Variants in EYS observed in about 807,000 individuals in gnomAD.
The protein encoded by EYS is EGF-like photoreceptor maintenance factor.
EYS carries 250 observed loss-of-function variants against 282.1 expected under a neutral mutation model. That is an observed-to-expected ratio of 0.89 (90% CI 0.80 to 0.98). EYS has a LOEUF of 0.98. Among genes scored for constraint, EYS ranks in the 50% least tolerant of loss-of-function variants. The pLI, the probability that EYS is intolerant of heterozygous loss-of-function variation, is 0.00. For missense variants in EYS, 4,016 were observed against 3,709.0 expected (o/e 1.08, Z -2.15); for synonymous variants, 1,355 against 1,282.9 (o/e 1.06, Z -1.20).
intron 13 of EYS, among the ~76,000 whole-genome samples, chr6:65,055,540 T>G (rs907659684): frequency 6.6e-6 from 1 of 152,070 alleles, no homozygotes; most frequent in South Asian, 2.1e-4. Flanking sequence ...GCTGATGTCT[T>G]TTTTTCTGTT....
chr6:63,873,832 G>T (rs529322943), intron 35 of EYS, among the ~76,000 whole-genome samples: 1 of 152,126 alleles, frequency 6.6e-6, no homozygotes, highest in South Asian at 2.1e-4. Context: ...CTCACTTTTT[G>T]ATGGGTTTTT....
chr6:65,174,886 A>T (rs1765190122), intron 12 of EYS, among the ~76,000 whole-genome samples: 1 of 151,322 alleles, frequency 6.6e-6, no homozygotes, highest in African/African-American at 2.4e-5. Context: ...GCAGCTGTTA[A>T]AAAGTTCAAA....
At chr6:65,177,030 C>A (rs888124555) in intron 12 of EYS, among the ~76,000 whole-genome samples, 2 of 151,580 alleles carry the variant, frequency 1.3e-5, no homozygotes, top group Non-Finnish European at 3.0e-5. Flanking sequence ...CAAATCATTA[C>A]TTATTTTAAA....
chr6:63,869,897 G>A (rs1772759324), intron 35 of EYS, among the ~76,000 whole-genome samples: 1 of 152,022 alleles, frequency 6.6e-6, no homozygotes, highest in South Asian at 2.1e-4. Flanking sequence ...TCATTTCAGT[G>A]TCTAGAATTA....
intron 26 of EYS, among the ~76,000 whole-genome samples, chr6:64,505,957 T>C (rs922270815): frequency 1.3e-5 from 2 of 152,140 alleles, no homozygotes; most frequent in African/African-American, 4.8e-5. Flanking sequence ...CTACGGCAGG[T>C]TGAAATAAGT....
intron 22 of EYS, among the ~76,000 whole-genome samples, chr6:64,802,345 T>G (rs1410800050): frequency 6.6e-6 from 1 of 152,002 alleles, no homozygotes; most frequent in Non-Finnish European, 1.5e-5. Flanking sequence ...AGCCACCACG[T>G]CCGGCCGAGT....
chr6:64,840,302 G>C (rs562904288), intron 19 of EYS, among the ~76,000 whole-genome samples: 2 of 152,110 alleles, frequency 1.3e-5, no homozygotes, highest in South Asian at 2.1e-4. Flanking sequence ...TTTGTAACAT[G>C]TGCAATAAAA....
intron 35 of EYS, among the ~76,000 whole-genome samples, chr6:63,979,850 A>C (rs1767007395): frequency 6.6e-6 from 1 of 151,912 alleles, no homozygotes; most frequent in Non-Finnish European, 1.5e-5. Context: ...CAAAATGAAA[A>C]AAGATTGGAC....
intron 35 of EYS, among the ~76,000 whole-genome samples, chr6:63,879,475 T>C (rs1350232774): frequency 6.6e-6 from 1 of 152,146 alleles, no homozygotes; most frequent in Non-Finnish European, 1.5e-5. Context: ...TACTTACATA[T>C]CAACAAAACA....
intron 12 of EYS, among the ~76,000 whole-genome samples, chr6:65,115,604 CT>C (rs763043628): frequency 2.6e-5 from 4 of 151,962 alleles, no homozygotes; most frequent in African/African-American, 4.8e-5. Flanking sequence ...TAAGCCATGC[CT>C]TAAGATAATA....
chr6:64,893,408 C>T (rs1222503655), intron 18 of EYS, among the ~76,000 whole-genome samples: 2 of 151,836 alleles, frequency 1.3e-5, no homozygotes, highest in African/African-American at 2.4e-5. Flanking sequence ...GTTTTTAATA[C>T]GTTTTTTGTT....
intron 22 of EYS, among the ~76,000 whole-genome samples, chr6:64,783,431 T>G (rs62415502): frequency 3.3e-5 from 5 of 151,860 alleles, no homozygotes; most frequent in Non-Finnish European, 7.4e-5. Flanking sequence ...GAGGTCTTAC[T>G]GCCATGGGGA....
rs1399597240 is a variant in EYS at position 64,590,622 on chromosome 6, T to G, written c.5245A>C (p.Asn1749His). 12 of 1,551,190 alleles carry G rather than the reference T, an allele frequency of 7.7e-6. No homozygotes were observed. Among genetic ancestry groups the G allele is most frequent in the Non-Finnish European group, 1.0e-5 (12 of 1,146,750 alleles). ...PSDSSLDFEL[N>H]LQIYPDVTLK... ...GTAACATCCGGATAAATTTGTAAGT[T>G]TAACTCAAAATCCAGAGAACTATCA... Residue 1749 changes from asparagine to histidine, a missense_variant, in exon 26 of 43, where the codon AAC becomes CAC. Coordinates refer to ENST00000503581, the MANE Select transcript of EYS (RefSeq NM_001142800.2).
At chr6:64,335,034 A>G (rs1056785864) in intron 29 of EYS, among the ~76,000 whole-genome samples, 1 of 152,082 alleles carries the variant, frequency 6.6e-6, no homozygotes, top group African/African-American at 2.4e-5. Context: ...CCACCCGAAT[A>G]ATGGTTCTGC....
chr6:64,837,774 A>C (rs1208748626), intron 19 of EYS, among the ~76,000 whole-genome samples: 2 of 150,640 alleles, frequency 1.3e-5, no homozygotes, highest in Admixed American at 1.3e-4. Flanking sequence ...TACAAAATCA[A>C]CTTACCAAAA....
intron 5 of EYS, among the ~76,000 whole-genome samples, chr6:65,456,980 G>C (rs879492135): frequency 4.0e-5 from 6 of 150,894 alleles, no homozygotes; most frequent in Non-Finnish European, 7.4e-5. Flanking sequence ...AGCACATGAG[G>C]GTCAGTATAG....
At chr6:65,505,820 A>T (rs1766633158) in intron 2 of EYS, among the ~76,000 whole-genome samples, 1 of 152,070 alleles carries the variant, frequency 6.6e-6, no homozygotes, top group African/African-American at 2.4e-5. Context: ...AATGTGTGCT[A>T]TCTTGCTAAA....
chr6:65,546,542 G>T (rs750611260), intron 2 of EYS, among the ~76,000 whole-genome samples: 1 of 150,412 alleles, frequency 6.6e-6, no homozygotes, highest in African/African-American at 2.5e-5. Context: ...ACATTCATTT[G>T]TATTTTTTTA....
intron 22 of EYS, among the ~76,000 whole-genome samples, chr6:64,706,438 C>T (rs1771020252): frequency 6.6e-6 from 1 of 152,006 alleles, no homozygotes; most frequent in African/African-American, 2.4e-5. Flanking sequence ...AAAGCAAATG[C>T]AACTAAAACA....
Sources: gnomAD v4.1 joint callset for allele counts (sites outside exome capture counted in the v4.1 genomes callset) on GRCh38, gnomAD v4.1.1 for gene constraint, MANE v1.5 for transcripts, NCBI Gene and HGNC (gene_info 2026-07-23, HGNC 2026-07-21) for gene names.